ARMC3: variants seen among roughly 807,000 people sequenced by gnomAD.
The protein encoded by ARMC3 is armadillo repeat-containing protein 3.
ARMC3 carries 74 observed loss-of-function variants against 90.3 expected under a neutral mutation model. That is an observed-to-expected ratio of 0.82 (90% confidence interval 0.68 to 0.99). ARMC3 has a LOEUF of 0.99. ARMC3 is among the 50% of genes least tolerant of loss of function. ARMC3 has a pLI of 0.00. For synonymous variants in ARMC3, 334 were observed against 361.8 expected, an observed-to-expected ratio of 0.92 and a Z score of 0.87; for missense variants, 958 against 1,042.8, an observed-to-expected ratio of 0.92 and a Z score of 1.12.
intron 12 of ARMC3, among the ~76,000 whole-genome samples, chr10:23,002,865 C>T (rs1851741084): frequency 6.6e-6 from 1 of 152,350 alleles, no homozygotes; most frequent in East Asian, 1.9e-4. Flanking sequence ...TAAGCCATCA[C>T]ATCTAGCCCC....
chr10:23,000,864 T>C (rs10764370), intron 11 of ARMC3, among the ~76,000 whole-genome samples: 1 of 152,120 alleles, frequency 6.6e-6, no homozygotes, highest in Non-Finnish European at 1.5e-5. Context: ...TATCCTCCAG[T>C]TGCATAGATA....
rs1329530276 is a variant in ARMC3, at chr10:22,959,034, T to TTAA, written c.293-32_293-30dup. 3 of 1,485,168 alleles carry TTAA rather than the reference T, an allele frequency of 2.0e-6. No homozygotes were observed. In the Admixed American group the frequency reaches 5.0e-5, roughly 25 times the overall value. 92.0% of individuals were successfully genotyped at this position (1,485,168 alleles called of 1,614,324 possible). A position where few individuals can be genotyped will look rare whatever the true frequency, so the allele number is the denominator to read the frequency against. ...CACCACACCCGGCCTATTATTATTA[T>TTAA]TAATAAACATCAATACTCTGTTTCT... is the stretch of plus-strand genomic sequence containing the variant. On this transcript the variant is annotated intron_variant, in intron 4 of 18. Transcript: ENST00000298032.
At chr10:22,955,717 A>G in intron 3 of ARMC3, 90 bp from the exon 4 acceptor site, 1 of 1,490,892 alleles carries the variant, frequency 6.7e-7, no homozygotes, top group Non-Finnish European at 9.1e-7. Flanking sequence ...TGAAAGGCAA[A>G]TGGCAAATAA....
chr10:22,983,250 A>G (rs10508656), intron 10 of ARMC3, among the ~76,000 whole-genome samples: 41,311 of 152,062 alleles, frequency 0.27, 6,886 homozygotes, highest in African/African-American at 0.47. Context: ...TTTGATGTGA[A>G]TTTGCCTGGC....
intron 3 of ARMC3, among the ~76,000 whole-genome samples, chr10:22,949,759 G>C (rs1834672530): frequency 6.6e-6 from 1 of 152,040 alleles, no homozygotes; most frequent in Non-Finnish European, 1.5e-5. Context: ...AAAAAAGTTT[G>C]TCAAAACCCA....
Position 22,981,649 on chromosome 10 carries a change from C to A in ARMC3, c.1124C>A (p.Ala375Glu). The A allele has an allele frequency of 6.2e-7, 1 of 1,614,138 alleles. No individual in the cohort carries two copies. The highest frequency in any genetic ancestry group is 8.5e-7 in the Non-Finnish European group (1 of 1,180,008). Residue 375 changes from alanine (A) to glutamate (E), a missense_variant, in exon 10 of 19, where the codon GCA (alanine) becomes GAA (glutamate). Transcript: ENST00000298032. ...AGTGACAATGAAGAGGTACGGGAAG[C>A]AGCAGCTCTAGCCCTGGCAAACCTA... ...LKSDNEEVREAAALALANLTT... is the reference protein window; with the variant it reads ...LKSDNEEVREEAALALANLTT...
intron 18 of ARMC3, 22 bp from the exon 19 acceptor site, chr10:23,037,247 TG>T (rs766460392): frequency 6.4e-7 from 1 of 1,558,706 alleles, no homozygotes; most frequent in African/African-American, 1.4e-5. Context: ...CACCCTTGGT[TG>T]ATCTCTTGTT....
At chr10:22,959,673 G>A (rs1395691897) in intron 6 of ARMC3, 99 bp downstream of exon 6, 1 of 1,181,924 alleles carries the variant, frequency 8.5e-7, no homozygotes, top group Non-Finnish European at 1.2e-6. Flanking sequence ...CACCAGTTTT[G>A]CATCATCAGA....
rs199870159 is a variant in ARMC3 at position 22,998,390 on chromosome 10, G to A, written c.1418G>A (p.Arg473Gln). ...GCAACTGCGTGTGACGTTGAAGCCC[G>A]GACTGAGGTGAGAATTTTAATAACA... ...VTATACDVEA[R>Q]TELRNSGGLE... The change falls in exon 11 of 19, where the codon CGG becomes CAG. Residue 473 changes from arginine (R) to glutamine (Q), a missense_variant. Physicochemically the swap from Arg to Gln is conservative, Grantham distance 43. Transcript: ENST00000298032. The A allele has an allele frequency of 4.4e-5, 71 of 1,613,710 alleles. No individual in the cohort carries two copies. The highest frequency in any genetic ancestry group is 5.6e-5 in the Non-Finnish European group (66 of 1,179,890).
At chr10:22,949,424 A>G (rs1834655844) in intron 3 of ARMC3, among the ~76,000 whole-genome samples, 1 of 152,236 alleles carries the variant, frequency 6.6e-6, no homozygotes, top group Non-Finnish European at 1.5e-5. Context: ...GCTATAAGAC[A>G]GATCCAAATA....
At chr10:23,007,329 C>T (rs118139121) in intron 14 of ARMC3, among the ~76,000 whole-genome samples, 1 of 152,190 alleles carries the variant, frequency 6.6e-6, no homozygotes, top group Non-Finnish European at 1.5e-5. Context: ...GGACTATGTG[C>T]TGGAGTACAG....
chr10:23,000,095 A>T (rs924316474), intron 11 of ARMC3, among the ~76,000 whole-genome samples: 2 of 151,928 alleles, frequency 1.3e-5, no homozygotes, highest in African/African-American at 4.8e-5. Context: ...TGGTCACATC[A>T]TTGCACATCC....
Position 23,032,935 on chromosome 10 carries a change from G to A in ARMC3, c.2321G>A (p.Ser774Asn). ...LPDFSWELHI[S>N]ELKFQLKSNV... ...GATTTCAGCTGGGAACTTCACATAA[G>A]TGAACTGAAATTTCAACTTAAATCC... Residue 774 changes from serine to asparagine, a missense_variant, in exon 18 of 19, where the codon AGT becomes AAT. Physicochemically the swap from Ser to Asn is conservative, Grantham distance 46. Transcript: ENST00000298032. 1.9e-6 allele frequency: 3 copies of A among 1,613,126 alleles called. No homozygotes were observed. The highest frequency in any genetic ancestry group is 2.5e-6 in the Non-Finnish European group (3 of 1,179,470).
In ARMC3 at chr10:22,992,741, C is replaced by A. The variant is rs1836766105; in HGVS notation, c.1176-5407C>A. ...TGACCAATTTAGCAAACACACTCCA[C>A]TTCTTGGATCATTACCTTTGTTGAG... On this transcript the variant is annotated intron_variant, in intron 10 of 18. Transcript: ENST00000298032. 3.9e-5 allele frequency among the ~76,000 whole-genome samples: 6 copies of A among 152,160 alleles called. No homozygotes were observed. In the South Asian group the frequency reaches 1.2e-3, roughly 31 times the overall value.
At chr10:22,946,875 C>T (rs893708086) in intron 3 of ARMC3, among the ~76,000 whole-genome samples, 1 of 152,158 alleles carries the variant, frequency 6.6e-6, no homozygotes, top group South Asian at 2.1e-4. Context: ...ATCAACACCA[C>T]ACATCTGGGC....
chr10:23,008,052 C>T (rs1243953255), intron 14 of ARMC3, among the ~76,000 whole-genome samples: 4 of 151,990 alleles, frequency 2.6e-5, no homozygotes, highest in Non-Finnish European at 5.9e-5. Context: ...TGCAGTGAGC[C>T]ATCATCGCAC....
intron 6 of ARMC3, 78 bp from the exon 7 acceptor site, chr10:22,961,806 G>A: frequency 1.6e-6 from 2 of 1,232,688 alleles, no homozygotes; most frequent in Non-Finnish European, 2.3e-6. Context: ...ATGTTCTTGT[G>A]TTAGAAAACA....
At chr10:22,959,019 G>C in intron 4 of ARMC3, 51 bp from the exon 5 acceptor site, 1 of 1,427,814 alleles carries the variant, frequency 7.0e-7, no homozygotes, top group Non-Finnish European at 9.9e-7. Context: ...CACCACACCC[G>C]GCCTATTATT....
intron 10 of ARMC3, among the ~76,000 whole-genome samples, chr10:22,990,627 G>T (rs1836664960): frequency 6.6e-6 from 1 of 152,162 alleles, no homozygotes; most frequent in Non-Finnish European, 1.5e-5. Flanking sequence ...TTTTGCAGAT[G>T]AGGAAACCAA....
Sources: allele counts gnomAD v4.1 joint callset (sites outside exome capture counted in the v4.1 genomes callset), GRCh38; gene constraint gnomAD v4.1.1; transcripts MANE v1.5; gene names NCBI Gene and HGNC (gene_info 2026-07-23, HGNC 2026-07-21).